MTMR12: variants seen among roughly 807,000 people sequenced by gnomAD.
The protein encoded by MTMR12 is myotubularin-related protein 12.
A neutral mutation model predicts 96.7 loss-of-function variants in MTMR12; 33 were observed. That is an observed-to-expected ratio of 0.34 (90% CI 0.26 to 0.46). MTMR12 has a LOEUF of 0.46. Among genes scored for constraint, MTMR12 ranks in the 20% least tolerant of loss-of-function variants. MTMR12 has a pLI of 1.00. For missense variants in MTMR12, 721 were observed against 896.1 expected, an observed-to-expected ratio of 0.80 and a Z score of 2.49; for synonymous variants, 298 against 327.2, an observed-to-expected ratio of 0.91 and a Z score of 0.96.
intron 5 of MTMR12, among the ~76,000 whole-genome samples, chr5:32,269,200 T>C (rs1002332772): frequency 6.6e-6 from 1 of 152,066 alleles, no homozygotes; most frequent in Non-Finnish European, 1.5e-5. Context: ...CTAATCTTTG[T>C]ATTTCTAGTA....
intron 1 of MTMR12, chr5:32,296,216 G>T: frequency 6.5e-6 from 1 of 154,456 alleles, no homozygotes; most frequent in Non-Finnish European, 1.4e-5. Flanking sequence ...AGTGGCTAAC[G>T]TCTGTAATCC....
In MTMR12 at chr5:32,312,878, C is replaced by A; in HGVS notation, c.-40G>T. The A allele has an allele frequency of 6.7e-7, 1 of 1,498,822 alleles. No homozygotes were observed. 92.8% of individuals were successfully genotyped at this position (1,498,822 alleles called of 1,614,324 possible). On this transcript the variant is annotated 5_prime_UTR_variant, in exon 1 of 16. Transcript: ENST00000382142. This position sits in a 1 kb window ranked among gnomAD's most constrained non-coding sequence, Gnocchi z 5.0. Reference sequence around the variant, plus strand: ...AAGCAGCGACGCGCGGACGCAGAGGCGGCGGCTCGGGCTCCAGCTGGGGCA... The same window carrying A: ...AAGCAGCGACGCGCGGACGCAGAGGAGGCGGCTCGGGCTCCAGCTGGGGCA...
At chr5:32,258,375 C>T (rs75073844) in intron 7 of MTMR12, among the ~76,000 whole-genome samples, 5 of 152,300 alleles carry the variant, frequency 3.3e-5, no homozygotes, top group East Asian at 3.9e-4. Context: ...AAAACCTCTC[C>T]GCAGATCAAC....
intron 8 of MTMR12, among the ~76,000 whole-genome samples, chr5:32,250,857 A>T (rs74717578): frequency 1.3e-5 from 2 of 152,158 alleles, no homozygotes; most frequent in African/African-American, 2.4e-5. Flanking sequence ...ATAGAAAAAA[A>T]CAAAGTTCCT....
chr5:32,247,511 C>T (rs1395419916), intron 10 of MTMR12, among the ~76,000 whole-genome samples: 1 of 152,142 alleles, frequency 6.6e-6, no homozygotes, highest in Non-Finnish European at 1.5e-5. Flanking sequence ...GTAGCTGGGA[C>T]AGGCATATTT....
intron 10 of MTMR12, among the ~76,000 whole-genome samples, chr5:32,247,019 G>A (rs928221736): frequency 6.6e-6 from 1 of 152,148 alleles, no homozygotes; most frequent in Non-Finnish European, 1.5e-5. Flanking sequence ...AAATGTCACT[G>A]AACGAATCCC....
At chr5:32,267,934 A>T (rs897486353) in intron 6 of MTMR12, among the ~76,000 whole-genome samples, 1 of 152,080 alleles carries the variant, frequency 6.6e-6, no homozygotes, top group Non-Finnish European at 1.5e-5. Context: ...CCCAGGTTCA[A>T]GCGATTCTCC....
intron 1 of MTMR12, among the ~76,000 whole-genome samples, chr5:32,287,811 G>C (rs1157469637): frequency 6.6e-6 from 1 of 152,180 alleles, no homozygotes; most frequent in Admixed American, 6.5e-5. Context: ...CTGATTCATC[G>C]CTCATGAGAG....
At chr5:32,283,995 CTTCCT>C (rs1349389909) in intron 1 of MTMR12, among the ~76,000 whole-genome samples, 4 of 152,114 alleles carry the variant, frequency 2.6e-5, no homozygotes, top group Admixed American at 2.0e-4. Context: ...GCAATTCTTG[CTTCCT>C]TTCAAGAGTA....
At chr5:32,308,260 T>C (rs2112172129) in intron 1 of MTMR12, among the ~76,000 whole-genome samples, 1 of 151,914 alleles carries the variant, frequency 6.6e-6, no homozygotes, top group East Asian at 1.9e-4. Context: ...AGGCGGAGGT[T>C]GCAGTGAGCC....
At chr5:32,245,927 C>A (rs1169249939) in intron 10 of MTMR12, among the ~76,000 whole-genome samples, 1 of 152,114 alleles carries the variant, frequency 6.6e-6, no homozygotes, top group African/African-American at 2.4e-5. Context: ...GTTGCCATGA[C>A]CTTTGCTCTT....
At chr5:32,271,656 A>G (rs1749837234) in intron 4 of MTMR12, among the ~76,000 whole-genome samples, 177 bp downstream of exon 4, 1 of 152,204 alleles carries the variant, frequency 6.6e-6, no homozygotes, top group Admixed American at 6.5e-5. Context: ...TCCTCTAGCT[A>G]AGTGACCTTA....
chr5:32,243,610 A>C lies in MTMR12; in HGVS notation c.1022-11T>G. ...ATTCAGTACTGTTATCTGAAAAAAG[A>C]AAAAGGAGTAAAGACGTCAGGTCAT... On this transcript the variant is annotated splice_polypyrimidine_tract_variant and intron_variant, in intron 10 of 15. Transcript: ENST00000382142. 6.5e-7 allele frequency: 1 copy of C among 1,546,918 alleles called. No homozygotes were observed. Among genetic ancestry groups the C allele is most frequent in the Non-Finnish European group, 8.9e-7 (1 of 1,120,800 alleles).
chr5:32,230,577 G>A (rs1347066692), intron 15 of MTMR12, among the ~76,000 whole-genome samples: 1 of 152,206 alleles, frequency 6.6e-6, no homozygotes, highest in African/African-American at 2.4e-5. Context: ...AGGTGCACGT[G>A]GCAGCTGTGC....
chr5:32,246,228 G>A (rs191351055), intron 10 of MTMR12, among the ~76,000 whole-genome samples: 6 of 143,798 alleles, frequency 4.2e-5, no homozygotes, highest in Middle Eastern at 4.4e-3. Flanking sequence ...GAGCAGTAGC[G>A]TGATCTTGGC....
In MTMR12 at chr5:32,234,153, G is replaced by A. The variant is rs1007651083; in HGVS notation, c.1513-219C>T. 5.3e-5 allele frequency among the ~76,000 whole-genome samples: 8 copies of A among 152,146 alleles called. No individual in the cohort carries two copies. In the East Asian group the frequency reaches 5.8e-4, roughly 11 times the overall value. On this transcript the variant is annotated intron_variant, in intron 14 of 15. Transcript: ENST00000382142. ...ACACTTCCTTTCCAGCAGTCTACAC[G>A]CCAGCCGCTGTGCTGGGTGCTTCCA...
intron 1 of MTMR12, among the ~76,000 whole-genome samples, chr5:32,311,195 T>C (rs1019270749): frequency 1.3e-5 from 2 of 152,144 alleles, no homozygotes; most frequent in Admixed American, 6.5e-5. Context: ...ATACACCTAC[T>C]ATACCCACAA....
At position 32,312,679 on chromosome 5, in the gene MTMR12, C is replaced by T; in HGVS notation, c.81+79G>A. On this transcript the variant is annotated intron_variant, in intron 1 of 15. Coordinates refer to ENST00000382142, the MANE Select transcript of MTMR12 (RefSeq NM_001040446.3). The surrounding 1 kb of genome is among the most constrained non-coding windows in gnomAD (Gnocchi z 5.0). ...GCAGGAAGCGCTCCGCGGCGCTCCC[C>T]GCTGCAAGGAAGGGGCTCCCGGCGC... The T allele has an allele frequency of 8.0e-7, 1 of 1,247,652 alleles. No homozygotes were observed. The highest frequency in any genetic ancestry group is 1.0e-6 in the Non-Finnish European group (1 of 976,800). The allele number at this position is 1,247,652 out of a possible 1,614,324, so 77.3% of individuals were successfully genotyped here.
At chr5:32,273,895 G>C (rs1749944253) in intron 3 of MTMR12, 85 bp downstream of exon 3, 4 of 1,567,372 alleles carry the variant, frequency 2.6e-6, no homozygotes, top group Non-Finnish European at 3.5e-6. Flanking sequence ...AGGGGGTAGA[G>C]TAACTGAGAA....
Sources: allele counts gnomAD v4.1 joint callset (sites outside exome capture counted in the v4.1 genomes callset), GRCh38; gene constraint gnomAD v4.1.1; non-coding constraint Gnocchi (gnomAD v3.1); transcripts MANE v1.5; gene names NCBI Gene and HGNC (gene_info 2026-07-23, HGNC 2026-07-21).